Variants in SH2D4B observed in about 807,000 individuals in gnomAD.
SH2D4B encodes the protein SH2 domain-containing protein 4B.
SH2D4B carries 45 observed loss-of-function variants against 61.5 expected under a neutral mutation model. The observed-to-expected ratio is 0.73, with a 90% confidence interval of 0.58 to 0.94. The LOEUF (loss-of-function observed/expected upper bound fraction) is 0.94. Ranked by LOEUF, SH2D4B falls within the 40% of genes least tolerant of loss-of-function variation. SH2D4B has a pLI of 0.00. For missense variants in SH2D4B, 572 were observed against 574.2 expected (o/e 1.00, Z 0.04); for synonymous variants, 224 against 220.4 (o/e 1.02, Z -0.14).
rs539261041 is a variant in SH2D4B, at chr10:80,539,958, C to T, written c.184+1443C>T. 6.6e-6 allele frequency among the ~76,000 whole-genome samples: 1 copy of T among 152,128 alleles called. No homozygotes were observed. The highest frequency in any genetic ancestry group is 1.5e-5 in the Non-Finnish European group (1 of 68,024). The stretch of plus-strand genomic sequence containing the variant: ...GCTGCATCACTAACTGGTGAAATGA[C>T]AAGCCACCTTGCCAGCACCACCCGG... On this transcript the variant is annotated intron_variant, in intron 1 of 7. Coordinates refer to ENST00000646907, the MANE Select transcript of SH2D4B (RefSeq NM_001388272.1). The surrounding 1 kb of genome is among the most constrained non-coding windows in gnomAD (Gnocchi z 4.9).
At chr10:80,623,451 T>C (rs890691296) in intron 6 of SH2D4B, among the ~76,000 whole-genome samples, 3 of 152,164 alleles carry the variant, frequency 2.0e-5, no homozygotes, top group Non-Finnish European at 4.4e-5. Flanking sequence ...CTTAATTATC[T>C]CCTAAAGACC....
intron 7 of SH2D4B, among the ~76,000 whole-genome samples, chr10:80,640,762 T>G (rs2132167350): frequency 6.6e-6 from 1 of 152,322 alleles, no homozygotes; most frequent in Non-Finnish European, 1.5e-5. Context: ...GGAAATTTAT[T>G]ATTACTGACC....
chr10:80,646,442 T>C lies in SH2D4B; in HGVS notation c.*2357T>C, dbSNP rs979781462. ...TCTCATATATTTTAGGTTTTACCTT[T>C]TTACCTGGCTTTAAAATAAATCCCT... On this transcript the variant is annotated 3_prime_UTR_variant, in exon 8 of 8. Coordinates refer to ENST00000646907, the MANE Select transcript of SH2D4B (RefSeq NM_001388272.1). 3 of 152,242 alleles carry C rather than the reference T, an allele frequency of 2.0e-5. No homozygotes were observed. Among genetic ancestry groups the C allele is most frequent in the Admixed American group, 6.5e-5 (1 of 15,286 alleles). 9.4% of individuals were successfully genotyped at this position (152,242 alleles called of 1,614,324 possible).
At chr10:80,572,865 G>A (rs191801363) in intron 3 of SH2D4B, among the ~76,000 whole-genome samples, 8 of 140,232 alleles carry the variant, frequency 5.7e-5, no homozygotes, top group Admixed American at 2.2e-4. Context: ...TGATCTGCCC[G>A]CCTCAGCCTC....
At chr10:80,641,888 T>C (rs1840316164) in intron 7 of SH2D4B, among the ~76,000 whole-genome samples, 2 of 152,110 alleles carry the variant, frequency 1.3e-5, no homozygotes, top group South Asian at 4.1e-4. Context: ...TCAATTAAAA[T>C]TTTAATTACA....
chr10:80,557,989 G>T (rs1841859506), intron 1 of SH2D4B, among the ~76,000 whole-genome samples: 2 of 151,976 alleles, frequency 1.3e-5, no homozygotes. Flanking sequence ...ATGTCTTTCA[G>T]TGCCCTGCTT....
At chr10:80,540,406 G>A (rs1362253525) in intron 1 of SH2D4B, among the ~76,000 whole-genome samples, 7 of 152,166 alleles carry the variant, frequency 4.6e-5, no homozygotes, top group African/African-American at 1.7e-4. Context: ...GTGATGAAGG[G>A]TGGCAACAAC....
chr10:80,548,672 C>G (rs541564849), intron 1 of SH2D4B, among the ~76,000 whole-genome samples: 1 of 152,340 alleles, frequency 6.6e-6, no homozygotes, highest in South Asian at 2.1e-4. Flanking sequence ...TGCCACCATG[C>G]AGGTACCTAA....
chr10:80,549,723 A>G (rs904985887), intron 1 of SH2D4B, among the ~76,000 whole-genome samples: 1 of 152,124 alleles, frequency 6.6e-6, no homozygotes, highest in Non-Finnish European at 1.5e-5. Flanking sequence ...GTTCTTAGTG[A>G]GGCAGCTCCA....
At chr10:80,543,493 C>A (rs1841614608) in intron 1 of SH2D4B, among the ~76,000 whole-genome samples, 1 of 152,208 alleles carries the variant, frequency 6.6e-6, no homozygotes, top group South Asian at 2.1e-4. Context: ...CTAAGCCTAC[C>A]CCCTGCCTCC....
intron 7 of SH2D4B, among the ~76,000 whole-genome samples, chr10:80,638,271 G>A (rs1280932303): frequency 6.6e-6 from 1 of 152,308 alleles, no homozygotes; most frequent in East Asian, 1.9e-4. Context: ...TCTCTGCCAG[G>A]CTTTGGTATC....
chr10:80,557,285 G>T (rs1018727372), intron 1 of SH2D4B, among the ~76,000 whole-genome samples: 3 of 151,884 alleles, frequency 2.0e-5, no homozygotes, highest in Non-Finnish European at 4.4e-5. Flanking sequence ...AATTTAATTT[G>T]CTAATACTTT....
intron 4 of SH2D4B, among the ~76,000 whole-genome samples, chr10:80,596,446 CA>C (rs2132135087): frequency 1.3e-5 from 2 of 152,334 alleles, no homozygotes; most frequent in South Asian, 4.1e-4. Flanking sequence ...ATCTCAGGCT[CA>C]GACTCAATAG....
intron 3 of SH2D4B, among the ~76,000 whole-genome samples, chr10:80,576,484 G>C (rs1421919206): frequency 6.6e-6 from 1 of 152,230 alleles, no homozygotes; most frequent in Non-Finnish European, 1.5e-5. Context: ...AACAAGTACT[G>C]TGCAGTTGAA....
intron 1 of SH2D4B, among the ~76,000 whole-genome samples, chr10:80,560,930 T>A (rs1478982542): frequency 6.6e-6 from 1 of 152,126 alleles, no homozygotes; most frequent in Non-Finnish European, 1.5e-5. Context: ...TTGGTGGTAG[T>A]CATTGTATTT....
intron 3 of SH2D4B, among the ~76,000 whole-genome samples, chr10:80,586,940 AG>A (rs145103393): frequency 0.11 from 16,554 of 151,876 alleles, 1,148 homozygotes; most frequent in African/African-American, 0.2. Context: ...CTCACCGCGG[AG>A]GTCCGCAGCT....
chr10:80,581,756 C>G (rs1415161876), intron 3 of SH2D4B, among the ~76,000 whole-genome samples: 3 of 152,182 alleles, frequency 2.0e-5, no homozygotes, highest in Non-Finnish European at 4.4e-5. Context: ...CAAATTGATA[C>G]ACTCCTTATC....
chr10:80,544,406 C>T (rs7097610), intron 1 of SH2D4B, among the ~76,000 whole-genome samples: 24,616 of 152,222 alleles, frequency 0.16, 2,216 homozygotes, highest in African/African-American at 0.23. Flanking sequence ...CGCGAGGGTC[C>T]GTGGCTTTAT....
chr10:80,588,563 T>TA (rs1842286361), intron 3 of SH2D4B, 67 bp from the exon 4 acceptor site: 2 of 1,583,854 alleles, frequency 1.3e-6, no homozygotes, highest in South Asian at 2.3e-5. Context: ...ATCCCAGAGA[T>TA]ATTTCTTTCT....
Sources: allele counts gnomAD v4.1 joint callset (sites outside exome capture counted in the v4.1 genomes callset), GRCh38; gene constraint gnomAD v4.1.1; non-coding constraint Gnocchi (gnomAD v3.1); transcripts MANE v1.5; gene names NCBI Gene and HGNC (gene_info 2026-07-23, HGNC 2026-07-21).